Variants in CACNA1C observed in about 807,000 individuals in gnomAD.
CACNA1C encodes the protein voltage-dependent L-type calcium channel subunit alpha-1C.
In CACNA1C, 30 loss-of-function variants were observed where a neutral mutation model predicts 229.0. The ratio of observed to expected loss-of-function variants is 0.13; its 90% CI spans 0.10 to 0.18. CACNA1C has a LOEUF of 0.18. CACNA1C is among the 10% of genes least tolerant of loss of function. The probability of loss-of-function intolerance (pLI) is 1.00; values close to 1 mark genes in which losing one functional copy is unlikely to be tolerated. For missense variants in CACNA1C, 1,658 were observed against 2,845.0 expected, an observed-to-expected ratio of 0.58 and a Z score of 9.49; for synonymous variants, 1,114 against 1,132.5, an observed-to-expected ratio of 0.98 and a Z score of 0.33.
chr12:2,450,612 T>G (rs1343363107), intron 4 of CACNA1C, among the ~76,000 whole-genome samples: 2 of 149,808 alleles, frequency 1.3e-5, no homozygotes. Context: ...CACATCTGTC[T>G]TGTAATAGGA....
chr12:2,141,650 A>T (rs906896681), intron 3 of CACNA1C, among the ~76,000 whole-genome samples: 2 of 151,326 alleles, frequency 1.3e-5, no homozygotes, highest in South Asian at 4.2e-4. Context: ...CTCCTCGCTG[A>T]TGGGGGCTGC....
intron 3 of CACNA1C, among the ~76,000 whole-genome samples, chr12:2,123,013 A>G (rs574591513): frequency 3.4e-4 from 52 of 152,140 alleles, no homozygotes; most frequent in Non-Finnish European, 5.4e-4. Context: ...TTTGGGAACA[A>G]CCGGCCTCTT....
At chr12:2,102,335 C>T (rs564248668) in intron 1 of CACNA1C, among the ~76,000 whole-genome samples, 1 of 152,114 alleles carries the variant, frequency 6.6e-6, no homozygotes, top group African/African-American at 2.4e-5. Context: ...GTTTCCTGCT[C>T]TCAAGGAGCT....
chr12:2,218,490 T>C (rs2060560927), intron 3 of CACNA1C, among the ~76,000 whole-genome samples: 1 of 152,116 alleles, frequency 6.6e-6, no homozygotes, highest in Non-Finnish European at 1.5e-5. Context: ...CCTTTTTTAT[T>C]CCTGTAGTGC....
chr12:2,605,216 G>GCTCCCACTCCCCAA lies in CACNA1C; in HGVS notation c.3048+48_3048+49insCTCCCACTCCCCAA. 7.6e-7 allele frequency: 1 copy of GCTCCCACTCCCCAA among 1,322,114 alleles called. No homozygotes were observed. The highest frequency in any genetic ancestry group is 1.1e-6 in the Non-Finnish European group (1 of 915,030). The allele number at this position is 1,322,114 out of a possible 1,614,324, so 81.9% of individuals were successfully genotyped here. A position where few individuals can be genotyped will look rare whatever the true frequency, so the allele number is the denominator to read the frequency against. On this transcript the variant is annotated intron_variant, in intron 23 of 46. Transcript: ENST00000399655. This position sits in a 1 kb window ranked among gnomAD's most constrained non-coding sequence, Gnocchi z 6.2. The stretch of plus-strand genomic sequence containing the variant: ...GAGTCTCCAGCCAGCCCATTGGGGA[G>GCTCCCACTCCCCAA]TGGGAGCTCCACAGAGGTGAGGGGT...
intron 9 of CACNA1C, among the ~76,000 whole-genome samples, chr12:2,535,536 T>TA (rs57441915): frequency 0.3 from 42,103 of 138,118 alleles, 7,326 homozygotes; most frequent in African/African-American, 0.49. Flanking sequence ...CCATCTCTAT[T>TA]AAAAAAAAAA....
intron 1 of CACNA1C, among the ~76,000 whole-genome samples, chr12:2,089,891 T>C (rs955417941): frequency 1.2e-3 from 188 of 151,970 alleles, no homozygotes; most frequent in African/African-American, 4.3e-3. Context: ...TAGCCGGGCG[T>C]GGTGGCAGGC....
chr12:2,611,589 TG>T (rs541368698), intron 28 of CACNA1C, among the ~76,000 whole-genome samples: 58 of 151,400 alleles, frequency 3.8e-4, no homozygotes, highest in African/African-American at 1.3e-3. Flanking sequence ...TGGAGGGAGG[TG>T]GGTTCTGCAT....
At chr12:2,450,424 G>A (rs1025682693) in intron 4 of CACNA1C, among the ~76,000 whole-genome samples, 3 of 151,586 alleles carry the variant, frequency 2.0e-5, no homozygotes, top group African/African-American at 7.3e-5. Flanking sequence ...CGAGGTGGCG[G>A]GCGCCTGTAG....
At chr12:2,560,621 C>T (rs748581120) in intron 11 of CACNA1C, among the ~76,000 whole-genome samples, 1 of 152,116 alleles carries the variant, frequency 6.6e-6, no homozygotes, top group Non-Finnish European at 1.5e-5. Context: ...TGGATCTCAA[C>T]TTTACGGAGT....
At chr12:2,187,308 G>C (rs906034804) in intron 3 of CACNA1C, among the ~76,000 whole-genome samples, 6 of 152,210 alleles carry the variant, frequency 3.9e-5, no homozygotes, top group Non-Finnish European at 8.8e-5. Flanking sequence ...TAATCCACCA[G>C]TCTACCCTGG....
intron 3 of CACNA1C, among the ~76,000 whole-genome samples, chr12:2,389,953 C>A (rs1454649149): frequency 6.6e-6 from 1 of 152,180 alleles, no homozygotes; most frequent in Non-Finnish European, 1.5e-5. Context: ...CTGGAATGCC[C>A]TCTACTCCCA....
intron 3 of CACNA1C, among the ~76,000 whole-genome samples, chr12:2,294,603 A>G (rs1330097354): frequency 6.6e-6 from 1 of 151,992 alleles, no homozygotes; most frequent in Non-Finnish European, 1.5e-5. Context: ...TGGAGCCTGA[A>G]GCATGCCAAG....
At chr12:2,075,893 A>G (rs1343148776) in intron 1 of CACNA1C, among the ~76,000 whole-genome samples, 1 of 152,188 alleles carries the variant, frequency 6.6e-6, no homozygotes. Flanking sequence ...TGGTATAAAC[A>G]GGGGTTGGTA....
chr12:2,489,866 G>A (rs1597873005), intron 6 of CACNA1C, among the ~76,000 whole-genome samples: 1 of 152,120 alleles, frequency 6.6e-6, no homozygotes, highest in African/African-American at 2.4e-5. Flanking sequence ...TTAAAATGTA[G>A]AACCTGCATT....
chr12:2,558,109 A>C (rs181084758), intron 11 of CACNA1C, among the ~76,000 whole-genome samples: 9 of 152,264 alleles, frequency 5.9e-5, no homozygotes, highest in African/African-American at 2.2e-4. Context: ...ACAGTCCCTT[A>C]AGGTAAAGTG....
intron 9 of CACNA1C, among the ~76,000 whole-genome samples, chr12:2,522,041 G>C (rs2099811021): frequency 6.6e-6 from 1 of 152,216 alleles, no homozygotes; most frequent in African/African-American, 2.4e-5. Flanking sequence ...CTGCTGTCCT[G>C]TTTCTGCACC....
rs1319225057 is a variant in CACNA1C, at chr12:2,479,227, T to G, written c.758-6877T>G. Among the ~76,000 whole-genome samples the G allele has an allele frequency of 6.6e-6, 1 of 152,080 alleles. No individual in the cohort carries two copies. Among genetic ancestry groups the G allele is most frequent in the African/African-American group, 2.4e-5 (1 of 41,434 alleles). On this transcript the variant is annotated intron_variant, in intron 5 of 46. Transcript: ENST00000399655. This position sits in a 1 kb window ranked among gnomAD's most constrained non-coding sequence, Gnocchi z 4.3. ...AAATTGTTTTAAATTTTCTTTTTGTTTTTTAGAGACAGGGTCTTGTTCTGT... is the reference window on the plus strand; with the variant it reads ...AAATTGTTTTAAATTTTCTTTTTGTGTTTTAGAGACAGGGTCTTGTTCTGT...
intron 38 of CACNA1C, among the ~76,000 whole-genome samples, chr12:2,674,014 A>G (rs2096673585): frequency 6.6e-6 from 1 of 152,218 alleles, no homozygotes; most frequent in Non-Finnish European, 1.5e-5. Context: ...CAGAGGCTGC[A>G]TAAGGCAGGC....
Sources: allele counts gnomAD v4.1 joint callset (sites outside exome capture counted in the v4.1 genomes callset), GRCh38; gene constraint gnomAD v4.1.1; non-coding constraint Gnocchi (gnomAD v3.1); transcripts MANE v1.5; gene names NCBI Gene and HGNC (gene_info 2026-07-23, HGNC 2026-07-21).